Variants in PPP1R16B observed in about 807,000 individuals in gnomAD.
PPP1R16B encodes the protein protein phosphatase 1 regulatory subunit 16B.
PPP1R16B carries 14 observed loss-of-function variants against 61.7 expected under a neutral mutation model. The ratio of observed to expected loss-of-function variants is 0.23; its 90% CI spans 0.15 to 0.35. The LOEUF (loss-of-function observed/expected upper bound fraction) is 0.35. Ranked by LOEUF, PPP1R16B falls within the 10% of genes least tolerant of loss-of-function variation. The probability of loss-of-function intolerance (pLI) is 1.00; values close to 1 mark genes in which losing one functional copy is unlikely to be tolerated. For synonymous variants in PPP1R16B, 266 were observed against 305.3 expected (o/e 0.87, Z 1.34); for missense variants, 547 against 752.5 (o/e 0.73, Z 3.19).
At chr20:38,805,970 G>T (rs1394317385) in intron 1 of PPP1R16B, among the ~76,000 whole-genome samples, 178 bp downstream of exon 1, 1 of 152,060 alleles carries the variant, frequency 6.6e-6, no homozygotes, top group African/African-American at 2.4e-5. Context: ...GGAAAGACGG[G>T]TACCGAGAGC....
At chr20:38,906,229 G>C (rs2085440777) in intron 7 of PPP1R16B, 135 bp downstream of exon 7, 1 of 864,242 alleles carries the variant, frequency 1.2e-6, no homozygotes, top group Non-Finnish European at 1.6e-6. Flanking sequence ...GCTCATATGT[G>C]GGATATGAAA....
intron 2 of PPP1R16B, among the ~76,000 whole-genome samples, chr20:38,853,777 T>A (rs1416734258): frequency 3.9e-5 from 6 of 152,204 alleles, no homozygotes; most frequent in Non-Finnish European, 1.5e-5. Flanking sequence ...AGGCTACAGG[T>A]AGCTGCTGGG....
intron 2 of PPP1R16B, among the ~76,000 whole-genome samples, chr20:38,860,346 C>G (rs1438469247): frequency 6.6e-6 from 1 of 152,204 alleles, no homozygotes; most frequent in Non-Finnish European, 1.5e-5. Context: ...AGGTGATCCT[C>G]CCGCCTCAGC....
At chr20:38,902,960 G>A (rs542015054) in intron 6 of PPP1R16B, among the ~76,000 whole-genome samples, 168 bp downstream of exon 6, 2 of 152,232 alleles carry the variant, frequency 1.3e-5, no homozygotes, top group South Asian at 2.1e-4. Context: ...GCAGAGCAGG[G>A]CTCAGCCTCT....
At chr20:38,864,956 A>G (rs1368874273) in intron 2 of PPP1R16B, among the ~76,000 whole-genome samples, 1 of 152,038 alleles carries the variant, frequency 6.6e-6, no homozygotes, top group East Asian at 1.9e-4. Flanking sequence ...GGCTGGGAAA[A>G]CACCATTAAA....
intron 2 of PPP1R16B, among the ~76,000 whole-genome samples, chr20:38,847,232 T>C (rs2084941111): frequency 6.6e-6 from 1 of 152,228 alleles, no homozygotes; most frequent in South Asian, 2.1e-4. Context: ...CCTTTGCTGA[T>C]ATATTTGATA....
rs753483544 is a variant in PPP1R16B at position 38,902,703 on chromosome 20, G to A, written c.607G>A (p.Ala203Thr). 4.3e-6 allele frequency: 7 copies of A among 1,614,078 alleles called. No homozygotes were observed. In the East Asian group the frequency reaches 1.6e-4, roughly 36 times the overall value. ...AGAGAAAATCAACGAGATGCGGGTGGCTCCTGAGCAGCAGATGATTGCGGA... is the reference window on the plus strand; with the variant it reads ...AGAGAAAATCAACGAGATGCGGGTGACTCCTGAGCAGCAGATGATTGCGGA... ...TQEKINEMRV[A>T]PEQQMIADIH... The change falls in exon 6 of 11, where the codon GCT becomes ACT. Residue 203 changes from alanine to threonine, a missense_variant. Ala to Thr is a moderately conservative substitution (Grantham distance 58). Transcript: ENST00000299824.
intron 2 of PPP1R16B, among the ~76,000 whole-genome samples, chr20:38,839,667 A>T (rs898183815): frequency 1.4e-5 from 2 of 145,260 alleles, no homozygotes; most frequent in Non-Finnish European, 3.0e-5. Flanking sequence ...GGTATCCTGG[A>T]TACATTATTC....
At chr20:38,861,892 G>A (rs957871755) in intron 2 of PPP1R16B, among the ~76,000 whole-genome samples, 18 of 151,740 alleles carry the variant, frequency 1.2e-4, no homozygotes, top group Non-Finnish European at 2.4e-4. Flanking sequence ...GGCCAGGCTC[G>A]TCTCGAACTC....
intron 2 of PPP1R16B, among the ~76,000 whole-genome samples, chr20:38,846,699 C>T (rs2084937456): frequency 6.6e-6 from 1 of 152,082 alleles, no homozygotes; most frequent in Non-Finnish European, 1.5e-5. Context: ...TGGTGAATAT[C>T]AATGTATAAA....
chr20:38,856,726 A>C (rs985759409), intron 2 of PPP1R16B, among the ~76,000 whole-genome samples: 2 of 152,204 alleles, frequency 1.3e-5, no homozygotes, highest in African/African-American at 2.4e-5. Flanking sequence ...AACTCTATAA[A>C]ATAGGAACCG....
At chr20:38,895,514 CG>C in intron 3 of PPP1R16B, 50 bp from the exon 4 acceptor site, 1 of 1,585,802 alleles carries the variant, frequency 6.3e-7, no homozygotes, top group Non-Finnish European at 8.6e-7. Context: ...GACCAGGGCC[CG>C]GGGCCCAGTG....
rs1365458331 is a variant in PPP1R16B at position 38,915,262 on chromosome 20, G to A, written c.1195-2895G>A. Among the ~76,000 whole-genome samples, 3 of 152,172 alleles carry A rather than the reference G, an allele frequency of 2.0e-5. 1 individual carries two copies. The highest frequency in any genetic ancestry group is 7.2e-5 in the African/African-American group (3 of 41,430). On this transcript the variant is annotated intron_variant, in intron 10 of 10. Coordinates refer to ENST00000299824, the MANE Select transcript of PPP1R16B (RefSeq NM_015568.4). ...GTGTCCGTCATGATAGTGTCACACA[G>A]AATGCTCTCGCCACTTGGTTTAGGT...
Position 38,854,886 on chromosome 20 carries a change from G to A in PPP1R16B, c.250+18711G>A, listed in dbSNP as rs1024735529. On this transcript the variant is annotated intron_variant, in intron 2 of 10. Transcript: ENST00000299824. ...TTCTAATTCTTCTGCTCCCCACATTGCCATAACTACTCCCATTTTCTCTAT... is the reference window on the plus strand; with the variant it reads ...TTCTAATTCTTCTGCTCCCCACATTACCATAACTACTCCCATTTTCTCTAT... 2.6e-5 allele frequency among the ~76,000 whole-genome samples: 4 copies of A among 152,148 alleles called. No individual in the cohort carries two copies. In the East Asian group the frequency reaches 7.7e-4, roughly 29 times the overall value.
chr20:38,816,563 C>T (rs770601540), intron 1 of PPP1R16B, among the ~76,000 whole-genome samples: 12 of 152,176 alleles, frequency 7.9e-5, no homozygotes, highest in Non-Finnish European at 1.6e-4. Context: ...ATCATCTGGT[C>T]GACCCACCTG....
chr20:38,847,389 A>C (rs1429376637), intron 2 of PPP1R16B, among the ~76,000 whole-genome samples: 1 of 151,982 alleles, frequency 6.6e-6, no homozygotes, highest in Non-Finnish European at 1.5e-5. Context: ...ACGGAGTCTC[A>C]CTCTGTCCCC....
At chr20:38,872,164 G>A (rs2085134846) in intron 2 of PPP1R16B, among the ~76,000 whole-genome samples, 2 of 152,334 alleles carry the variant, frequency 1.3e-5, no homozygotes, top group Middle Eastern at 3.4e-3. Flanking sequence ...ACTTCACCGG[G>A]TGGTGCCTTC....
chr20:38,891,524 G>A (rs1041637453), intron 3 of PPP1R16B, among the ~76,000 whole-genome samples: 1 of 152,148 alleles, frequency 6.6e-6, no homozygotes, highest in African/African-American at 2.4e-5. Flanking sequence ...CCCAGGCCAG[G>A]CGTGGTGGCT....
Position 38,850,213 on chromosome 20 carries a change from C to T in PPP1R16B, c.250+14038C>T, listed in dbSNP as rs555098911. Among the ~76,000 whole-genome samples, 103 of 152,230 alleles carry T rather than the reference C, an allele frequency of 6.8e-4. 1 individual carries two copies. Among genetic ancestry groups the T allele is most frequent in the Admixed American group, 6.5e-3 (99 of 15,288 alleles). The stretch of plus-strand genomic sequence containing the variant: ...AATGGAACCTCATTGGCTATGAGGT[C>T]GATTCCTGAGTCAATTGTAATGGCT... On this transcript the variant is annotated intron_variant, in intron 2 of 10. Transcript: ENST00000299824.
Sources: gnomAD v4.1 joint callset for allele counts (sites outside exome capture counted in the v4.1 genomes callset) on GRCh38, gnomAD v4.1.1 for gene constraint, MANE v1.5 for transcripts, NCBI Gene and HGNC (gene_info 2026-07-23, HGNC 2026-07-21) for gene names.